The following DPP8 variants were observed in gnomAD, a reference collection of about 807,000 sequenced individuals.
The protein encoded by DPP8 is DPP VIII.
Under a neutral mutation model 107.5 loss-of-function variants are expected in DPP8, and 31 were observed. That is an observed-to-expected ratio of 0.29 (90% CI 0.22 to 0.39). The LOEUF (loss-of-function observed/expected upper bound fraction) is 0.39, where lower values mean the gene tolerates loss of function less well. Ranked by LOEUF, DPP8 falls within the 10% of genes least tolerant of loss-of-function variation. DPP8 has a pLI of 1.00. For synonymous variants in DPP8, 381 were observed against 356.6 expected, an observed-to-expected ratio of 1.07 and a Z score of -0.77; for missense variants, 842 against 1,076.1, an observed-to-expected ratio of 0.78 and a Z score of 3.04.
chr15:65,481,259 A>C (rs1005448887), intron 9 of DPP8, among the ~76,000 whole-genome samples: 1 of 152,248 alleles, frequency 6.6e-6, no homozygotes, highest in Admixed American at 6.5e-5. Context: ...AAGCCATATG[A>C]TTTAATCACA....
At position 65,445,321 on chromosome 15, in the gene DPP8, T is replaced by C. The variant is rs572347696; in HGVS notation, c.*1563A>G. The stretch of plus-strand genomic sequence containing the variant: ...TTTCTTGGAGTGTTGTTTAAAAGTA[T>C]TGGTAATAACTTTCTAAACACTGAA... On this transcript the variant is annotated 3_prime_UTR_variant, in exon 20 of 20. Transcript: ENST00000300141. 2.0e-5 allele frequency: 3 copies of C among 152,196 alleles called. No homozygotes were observed. The highest frequency in any genetic ancestry group is 2.9e-5 in the Non-Finnish European group (2 of 68,036). 9.4% of individuals were successfully genotyped at this position (152,196 alleles called of 1,614,324 possible).
At chr15:65,450,144 T>C (rs983460214) in intron 19 of DPP8, among the ~76,000 whole-genome samples, 1 of 119,978 alleles carries the variant, frequency 8.3e-6, no homozygotes, top group Non-Finnish European at 1.8e-5. Context: ...ATTTTTGTAT[T>C]TTTAGTAGAG....
intron 3 of DPP8, among the ~76,000 whole-genome samples, chr15:65,502,013 C>T (rs1285249029): frequency 6.6e-6 from 1 of 152,164 alleles, no homozygotes; most frequent in East Asian, 1.9e-4. Context: ...CCTCAGCCTC[C>T]TGAGTAGGTG....
At chr15:65,449,737 G>A (rs1039450642) in intron 19 of DPP8, among the ~76,000 whole-genome samples, 10 of 152,074 alleles carry the variant, frequency 6.6e-5, no homozygotes, top group Admixed American at 5.9e-4. Flanking sequence ...ACTCTGTGAG[G>A]CCAAACTTTT....
At chr15:65,448,537 T>C (rs2140301497) in intron 19 of DPP8, among the ~76,000 whole-genome samples, 2 of 150,942 alleles carry the variant, frequency 1.3e-5, no homozygotes, top group Non-Finnish European at 3.0e-5. Context: ...CCAGGCGTGG[T>C]GGCGGGCACC....
chr15:65,513,414 G>C (rs1053858758), intron 1 of DPP8, among the ~76,000 whole-genome samples: 5 of 152,040 alleles, frequency 3.3e-5, no homozygotes, highest in Non-Finnish European at 7.4e-5. Flanking sequence ...GGGTTTCACT[G>C]TGTTAGCCAG....
chr15:65,495,798 C>T (rs776355252), intron 5 of DPP8, among the ~76,000 whole-genome samples: 18 of 150,506 alleles, frequency 1.2e-4, no homozygotes, highest in Non-Finnish European at 1.9e-4. Flanking sequence ...AGGGGAATCA[C>T]CTGAACCCGA....
At chr15:65,452,617 T>C (rs1187348740) in intron 17 of DPP8, among the ~76,000 whole-genome samples, 1 of 152,140 alleles carries the variant, frequency 6.6e-6, no homozygotes, top group African/African-American at 2.4e-5. Context: ...TTTATGGTTA[T>C]TATAAAGATT....
At chr15:65,493,417 A>G (rs1279266961) in intron 5 of DPP8, among the ~76,000 whole-genome samples, 2 of 152,188 alleles carry the variant, frequency 1.3e-5, no homozygotes, top group Non-Finnish European at 2.9e-5. Flanking sequence ...ACCATAATAC[A>G]TTATGTAATA....
chr15:65,466,757 G>A lies in DPP8; in HGVS notation c.1746C>T (p.Ser582=). 4 of 1,613,770 alleles carry A rather than the reference G, an allele frequency of 2.5e-6. No individual in the cohort carries two copies. Among genetic ancestry groups the A allele is most frequent in the Non-Finnish European group, 2.5e-6 (3 of 1,179,756 alleles). The change falls in exon 14 of 20, where the codon TCC becomes TCT. Residue 582 remains serine (S), a synonymous_variant. Transcript: ENST00000300141. ...CTTCAGGACTTGATAGCTTGTAAAGGGACACACAGTGTGGATTCTTCTGGT... is the reference window on the plus strand; with the variant it reads ...CTTCAGGACTTGATAGCTTGTAAAGAGACACACAGTGTGGATTCTTCTGGT... ...YSNQKNPHCV[S]LYKLSSPEDD...
At chr15:65,507,896 T>C (rs1432153679) in intron 2 of DPP8, among the ~76,000 whole-genome samples, 1 of 152,130 alleles carries the variant, frequency 6.6e-6, no homozygotes, top group African/African-American at 2.4e-5. Flanking sequence ...TTAAAGTGCT[T>C]AATTGGAAAC....
intron 1 of DPP8, 95 bp from the exon 2 acceptor site, chr15:65,512,659 G>A: frequency 7.2e-7 from 1 of 1,391,976 alleles, no homozygotes; most frequent in East Asian, 2.3e-5. Context: ...GGGGAGTGGG[G>A]AGGGCAAGAA....
chr15:65,457,051 A>G (rs1347445329), intron 15 of DPP8, among the ~76,000 whole-genome samples: 2 of 152,138 alleles, frequency 1.3e-5, no homozygotes, highest in Non-Finnish European at 1.5e-5. Context: ...TAGAACTTCC[A>G]TTATAAAAAG....
chr15:65,470,823 A>G (rs2065819800), intron 12 of DPP8, among the ~76,000 whole-genome samples: 1 of 151,648 alleles, frequency 6.6e-6, no homozygotes, highest in South Asian at 2.1e-4. Context: ...GGAGGCTGAA[A>G]CAGGAGAACT....
chr15:65,511,481 TA>T (rs930851962), intron 2 of DPP8, among the ~76,000 whole-genome samples: 6 of 145,836 alleles, frequency 4.1e-5, no homozygotes, highest in East Asian at 4.0e-4. Flanking sequence ...CCATCTCTAT[TA>T]AAAAAAAAAC....
At chr15:65,457,725 A>G (rs1019811952) in intron 15 of DPP8, among the ~76,000 whole-genome samples, 2 of 152,174 alleles carry the variant, frequency 1.3e-5, no homozygotes, top group African/African-American at 4.8e-5. Context: ...AAAAAGAGAA[A>G]CAGGAGAATA....
chr15:65,509,120 TA>T (rs1054494943), intron 2 of DPP8, among the ~76,000 whole-genome samples: 1 of 152,086 alleles, frequency 6.6e-6, no homozygotes, highest in Non-Finnish European at 1.5e-5. Context: ...GCCTTTGGAG[TA>T]AAAAGTTATA....
At chr15:65,460,111 G>T (rs1384695014) in intron 15 of DPP8, among the ~76,000 whole-genome samples, 2 of 152,000 alleles carry the variant, frequency 1.3e-5, no homozygotes, top group Admixed American at 1.3e-4. Flanking sequence ...TCCATTTCCA[G>T]AACTTTTTCA....
intron 5 of DPP8, among the ~76,000 whole-genome samples, chr15:65,491,013 C>G (rs747809568): frequency 6.6e-6 from 1 of 151,862 alleles, no homozygotes; most frequent in Non-Finnish European, 1.5e-5. Flanking sequence ...CAAAAATTAG[C>G]CAGGCATGGT....
Sources: gnomAD v4.1 joint callset for allele counts (sites outside exome capture counted in the v4.1 genomes callset) on GRCh38, gnomAD v4.1.1 for gene constraint, MANE v1.5 for transcripts, NCBI Gene and HGNC (gene_info 2026-07-23, HGNC 2026-07-21) for gene names.